Variants in TMEM223 observed in about 807,000 individuals in gnomAD.
The protein encoded by TMEM223 is transmembrane protein 223.
In TMEM223, 14 loss-of-function variants were observed where a neutral mutation model predicts 14.1. The observed-to-expected ratio is 0.99, with a 90% confidence interval of 0.66 to 1.55. TMEM223 has a LOEUF of 1.55. Among genes scored for constraint, TMEM223 ranks in the 40% most tolerant of loss-of-function variants. TMEM223 has a pLI of 0.00. For missense variants in TMEM223, 346 were observed against 269.9 expected (o/e 1.28, Z -1.97); for synonymous variants, 145 against 120.5 (o/e 1.20, Z -1.33).
downstream of TMEM223, chr11:62,787,379 T>C: frequency 6.5e-6 from 10 of 1,548,954 alleles, no homozygotes; most frequent in Non-Finnish European, 7.8e-6. Context: ...CCGGATAAGG[T>C]GGGCTTTGGG....
intron 2 of TMEM223, chr11:62,772,248 G>A (rs2084154152): frequency 7.3e-5 from 30 of 411,820 alleles, no homozygotes; most frequent in South Asian, 5.2e-4. Context: ...GTGGCCGGGC[G>A]CGGTGGCTCA....
At chr11:62,775,070 A>G (rs1405969900) in intron 1 of TMEM223, among the ~76,000 whole-genome samples, 2 of 151,724 alleles carry the variant, frequency 1.3e-5, no homozygotes, top group Non-Finnish European at 2.9e-5. Flanking sequence ...CTCAAAAAAA[A>G]AAAAAAAAAA....
At chr11:62,787,615 T>C (rs1406773059), downstream of TMEM223, 13 of 1,412,492 alleles carry the variant, frequency 9.2e-6, no homozygotes, top group Non-Finnish European at 1.2e-5. Flanking sequence ...CCGGGCTTGC[T>C]GCTGCTCGGA....
chr11:62,788,931 G>A, downstream of TMEM223: 4 of 1,358,388 alleles, frequency 2.9e-6, no homozygotes, highest in Non-Finnish European at 4.0e-6. Flanking sequence ...TGGAATGCAG[G>A]ACCATTCCTA....
downstream of TMEM223, among the ~76,000 whole-genome samples, chr11:62,785,195 CTTTT>C (rs770648187): frequency 7.2e-6 from 1 of 138,498 alleles, no homozygotes; most frequent in African/African-American, 2.6e-5. Context: ...ATTTTCTTTC[CTTTT>C]TTTTTTTTTC....
downstream of TMEM223, among the ~76,000 whole-genome samples, chr11:62,788,773 T>C (rs2084322085): frequency 6.6e-6 from 1 of 152,116 alleles, no homozygotes; most frequent in African/African-American, 2.4e-5. Context: ...GACCATAACT[T>C]GTGAGGCTTC....
downstream of TMEM223, chr11:62,787,055 C>T: frequency 6.6e-7 from 1 of 1,524,336 alleles, no homozygotes; most frequent in Non-Finnish European, 8.7e-7. Context: ...GGGACCGGCA[C>T]CCGCGACGTT....
At chr11:62,786,548 C>T (rs199867484), downstream of TMEM223, 2 of 1,553,738 alleles carry the variant, frequency 1.3e-6, no homozygotes, top group Non-Finnish European at 1.7e-6. Context: ...AAGATGAAGG[C>T]CCAGGCAGCA....
chr11:62,775,341 G>C (rs117073087), intron 1 of TMEM223, among the ~76,000 whole-genome samples: 4 of 152,168 alleles, frequency 2.6e-5, no homozygotes, highest in African/African-American at 7.2e-5. Flanking sequence ...CTCTTGACAC[G>C]TGGGGATTAT....
rs780777962 is a variant in TMEM223 at position 62,791,892 on chromosome 11, G to A, written c.103C>T (p.Leu35=). ...LQGTTLQRDV[L]LFEHDRGRFF... ...CGGCCCCGATCATGCTCAAAGAGCA[G>A]CACATCCCGTTGCAGCGTCGTGCCT... Residue 35 remains leucine, a synonymous_variant, in exon 1 of 2, where the codon CTG becomes TTG. Coordinates refer to ENST00000307366, the MANE Select transcript of TMEM223 (RefSeq NM_001080501.3). The A allele has an allele frequency of 5.6e-6, 9 of 1,599,790 alleles. No individual in the cohort carries two copies. Among genetic ancestry groups the A allele is most frequent in the Non-Finnish European group, 8.5e-7 (1 of 1,173,862 alleles).
chr11:62,790,585 C>G lies in TMEM223; in HGVS notation c.*38G>C. 6.4e-7 allele frequency: 1 copy of G among 1,558,982 alleles called. No individual in the cohort carries two copies. Among genetic ancestry groups the G allele is most frequent in the Non-Finnish European group, 8.7e-7 (1 of 1,146,806 alleles). On this transcript the variant is annotated 3_prime_UTR_variant, in exon 2 of 2. Transcript: ENST00000307366. The stretch of plus-strand genomic sequence containing the variant: ...TGGCTCCCCAAGGTTCAGTTTTTAT[C>G]CTCCTCTTGGAGAGGTGAGTGACTT...
At chr11:62,786,736 C>G, downstream of TMEM223, 1 of 1,613,200 alleles carries the variant, frequency 6.2e-7, no homozygotes, top group South Asian at 1.1e-5. Context: ...TTCGGTGACC[C>G]TGGCCGACAT....
chr11:62,783,310 A>G (rs573704797), downstream of TMEM223, among the ~76,000 whole-genome samples: 83 of 152,160 alleles, frequency 5.5e-4, no homozygotes, highest in African/African-American at 1.9e-3. Flanking sequence ...GTGAAACCCC[A>G]TCTCTACTAA....
At chr11:62,781,741 T>C (rs976444062) in intron 1 of TMEM223, 1 of 702,550 alleles carries the variant, frequency 1.4e-6, no homozygotes, top group African/African-American at 1.8e-5. Flanking sequence ...TTCTGTAGGT[T>C]ACATTTATAG....
chr11:62,782,831 C>G (rs768412559), downstream of TMEM223: 57 of 1,613,586 alleles, frequency 3.5e-5, no homozygotes, highest in Non-Finnish European at 4.7e-5. Flanking sequence ...GGAAGGTGAG[C>G]ACCCTGGCCT....
rs2084348180 is a variant in TMEM223, at chr11:62,790,500, A to G, written c.*123T>C. 1.1e-6 allele frequency: 1 copy of G among 891,250 alleles called. No individual in the cohort carries two copies. 55.2% of individuals were successfully genotyped at this position (891,250 alleles called of 1,614,324 possible). ...TATGTTGCCCAGCCTGGGCTCGAGC[A>G]GTGCTCCTGCCTCACCCTCCCAAAG... On this transcript the variant is annotated 3_prime_UTR_variant, in exon 2 of 2. Transcript: ENST00000307366.
At chr11:62,784,845 A>G (rs776297130), downstream of TMEM223, among the ~76,000 whole-genome samples, 1 of 152,202 alleles carries the variant, frequency 6.6e-6, no homozygotes, top group Non-Finnish European at 1.5e-5. Flanking sequence ...TGGGTCTGCT[A>G]AATTTTAAAA....
At chr11:62,782,960 C>A (rs1300256399), downstream of TMEM223, 5 of 1,283,774 alleles carry the variant, frequency 3.9e-6, no homozygotes, top group East Asian at 1.2e-4. Context: ...TTAGGCCAGG[C>A]TCAGTGATAC....
intron 1 of TMEM223, chr11:62,774,765 A>G (rs2084172917): frequency 5.1e-6 from 2 of 392,822 alleles, no homozygotes; most frequent in South Asian, 1.8e-5. Context: ...CCTGGCCAAC[A>G]TGGCGAAATC....
Sources: allele counts gnomAD v4.1 joint callset (sites outside exome capture counted in the v4.1 genomes callset), GRCh38; gene constraint gnomAD v4.1.1; transcripts MANE v1.5; gene names NCBI Gene and HGNC (gene_info 2026-07-23, HGNC 2026-07-21).